Variants in LIMS4 observed in about 807,000 individuals in gnomAD.
The protein encoded by LIMS4 is LIM zinc finger domain containing 4.
the LIMS4 span, among the ~76,000 whole-genome samples, chr2:110,368,992 A>C: frequency 9.3e-6 from 1 of 107,334 alleles, no homozygotes; most frequent in Admixed American, 1.0e-4. Flanking sequence ...ACAGCGACCC[A>C]CCAGGCCCAT....
chr2:110,387,173 C>T, the LIMS4 span: 1 of 658,210 alleles, frequency 1.5e-6, no homozygotes, highest in Non-Finnish European at 2.8e-6. Flanking sequence ...CCTCCAAAGC[C>T]TTGCCCGCTG....
chr2:110,387,774 G>T, the LIMS4 span: 1 of 162,816 alleles, frequency 6.1e-6, no homozygotes, highest in Non-Finnish European at 1.3e-5. Context: ...AATTACAGAT[G>T]TGAGCCACCA....
chr2:110,425,303 T>C, the LIMS4 span, among the ~76,000 whole-genome samples: 6 of 142,286 alleles, frequency 4.2e-5, 1 homozygote, highest in Non-Finnish European at 8.9e-5. Context: ...TGGCTTGAGC[T>C]TAGGAGGTTG....
the LIMS4 span, chr2:110,362,062 G>T: frequency 1.6e-5 from 20 of 1,277,746 alleles, no homozygotes; most frequent in Non-Finnish European, 2.1e-5. Flanking sequence ...TGCACTCAGG[G>T]CAGGTTTAAG....
At chr2:110,389,866 G>C in the LIMS4 span, among the ~76,000 whole-genome samples, 1 of 147,240 alleles carries the variant, frequency 6.8e-6, no homozygotes, top group Non-Finnish European at 1.5e-5. Context: ...CCATGACCAG[G>C]GCCCATAGCA....
the LIMS4 span, among the ~76,000 whole-genome samples, chr2:110,395,765 G>A: frequency 9.9e-6 from 1 of 100,680 alleles, no homozygotes; most frequent in Non-Finnish European, 1.9e-5. Flanking sequence ...TGTGTGGGGA[G>A]CCAGGGAAGA....
the LIMS4 span, among the ~76,000 whole-genome samples, chr2:110,424,730 G>T: frequency 2.1e-5 from 3 of 144,124 alleles, no homozygotes; most frequent in African/African-American, 8.5e-5. Context: ...AAGCCAGCTG[G>T]ACTCCCTGAG....
the LIMS4 span, among the ~76,000 whole-genome samples, chr2:110,382,081 A>T: frequency 2.1e-5 from 2 of 93,568 alleles, no homozygotes; most frequent in Non-Finnish European, 3.9e-5. Context: ...AAAAAAAAAA[A>T]AAAAAAAAAA....
the LIMS4 span, among the ~76,000 whole-genome samples, chr2:110,385,129 A>G: frequency 7.0e-6 from 1 of 142,324 alleles, no homozygotes; most frequent in Non-Finnish European, 1.5e-5. Context: ...CCCTCACTCT[A>G]ATAAAGGAGT....
the LIMS4 span, among the ~76,000 whole-genome samples, chr2:110,366,984 A>C: frequency 1.3e-5 from 2 of 148,196 alleles, no homozygotes; most frequent in Non-Finnish European, 3.0e-5. Flanking sequence ...CACACACACA[A>C]ATACCAAGGA....
chr2:110,411,667 G>A, the LIMS4 span, among the ~76,000 whole-genome samples: 1 of 112,860 alleles, frequency 8.9e-6, no homozygotes, highest in Non-Finnish European at 1.7e-5. Context: ...TCAGGCCCTC[G>A]GGGTCATCTC....
chr2:110,397,157 A>C, the LIMS4 span, among the ~76,000 whole-genome samples: 1 of 51,224 alleles, frequency 2.0e-5, no homozygotes, highest in African/African-American at 7.5e-5. Flanking sequence ...GCTGTTTTTG[A>C]GGTGGGATAA....
chr2:110,379,243 GTTGC>G, the LIMS4 span, among the ~76,000 whole-genome samples: 1 of 151,652 alleles, frequency 6.6e-6, no homozygotes, highest in South Asian at 2.1e-4. Context: ...TGGTTGGTTT[GTTGC>G]TTGCTTGCTT....
intron 5 of LIMS4, among the ~76,000 whole-genome samples, chr2:110,453,883 CTG>C (rs1463266452): frequency 1.1e-4 from 15 of 135,194 alleles, no homozygotes; most frequent in Admixed American, 8.9e-4. Flanking sequence ...AGGTGGCAAA[CTG>C]AGAAAAATTC....
At chr2:110,411,505 C>T in the LIMS4 span, among the ~76,000 whole-genome samples, 1 of 136,368 alleles carries the variant, frequency 7.3e-6, no homozygotes. Flanking sequence ...CCACTGTTGT[C>T]CCCAGTGATG....
At chr2:110,361,971 AT>A in the LIMS4 span, 1 of 1,264,550 alleles carries the variant, frequency 7.9e-7, no homozygotes, top group Non-Finnish European at 1.1e-6. Flanking sequence ...CAACGTACAC[AT>A]CAAAAACCAA....
chr2:110,419,510 G>GCTAC, the LIMS4 span, among the ~76,000 whole-genome samples: 1 of 31,876 alleles, frequency 3.1e-5, no homozygotes, highest in South Asian at 1.5e-3. Context: ...CGTGGTGGCG[G>GCTAC]GCGCCTGTAG....
chr2:110,397,370 C>T, the LIMS4 span: 1 of 146,520 alleles, frequency 6.8e-6, no homozygotes, highest in Non-Finnish European at 1.5e-5. Context: ...TTCATCACTA[C>T]AAAACACACA....
chr2:110,367,591 G>T, the LIMS4 span, among the ~76,000 whole-genome samples: 1 of 140,658 alleles, frequency 7.1e-6, no homozygotes, highest in Admixed American at 6.9e-5. Context: ...AGGGATTAAA[G>T]ACTTAAATGT....
Sources: gnomAD v4.1 joint callset for allele counts (sites outside exome capture counted in the v4.1 genomes callset) on GRCh38, gnomAD v4.1.1 for gene constraint, MANE v1.5 for transcripts, NCBI Gene and HGNC (gene_info 2026-07-23, HGNC 2026-07-21) for gene names.